The following VIL1 variants were observed in gnomAD, a reference collection of about 807,000 sequenced individuals.
VIL1 encodes the protein villin 1.
VIL1 carries 86 observed loss-of-function variants against 104.0 expected under a neutral mutation model. That is an observed-to-expected ratio of 0.83 (90% CI 0.69 to 0.99). The LOEUF is 0.99. VIL1 is among the 50% of genes least tolerant of loss of function. The probability of loss-of-function intolerance (pLI) is 0.00; values close to 1 mark genes in which losing one functional copy is unlikely to be tolerated. For missense variants in VIL1, 944 were observed against 1,054.1 expected, an observed-to-expected ratio of 0.90 and a Z score of 1.45; for synonymous variants, 394 against 412.6, an observed-to-expected ratio of 0.95 and a Z score of 0.55.
At chr2:218,447,212 AG>A (rs1689379326) in intron 19 of VIL1, among the ~76,000 whole-genome samples, 1 of 152,198 alleles carries the variant, frequency 6.6e-6, no homozygotes. Flanking sequence ...CTTCCCTTGC[AG>A]GCAGTCTGTT....
chr2:218,420,597 T>A (rs533545438), intron 1 of VIL1, among the ~76,000 whole-genome samples: 1 of 150,386 alleles, frequency 6.6e-6, no homozygotes, highest in Non-Finnish European at 1.5e-5. Flanking sequence ...TTTTTTGTTT[T>A]TTTTTTGAGA....
intron 15 of VIL1, among the ~76,000 whole-genome samples, chr2:218,435,752 G>C (rs1689178360): frequency 4.6e-5 from 7 of 152,200 alleles, no homozygotes; most frequent in Admixed American, 4.6e-4. Flanking sequence ...TCAGTAACAA[G>C]ATGCCAGAGG....
rs368546376 is a variant in VIL1 at position 218,434,571 on chromosome 2, C to T, written c.1546C>T (p.Arg516Trp). The change falls in exon 14 of 20, where the codon CGG (arginine) becomes TGG (tryptophan). Residue 516 changes from arginine to tryptophan, a missense_variant. Coordinates refer to ENST00000248444, the MANE Select transcript of VIL1 (RefSeq NM_007127.3). ...TNNLETGPSTRLFQVQGTGAN... is the reference protein window; with the variant it reads ...TNNLETGPSTWLFQVQGTGAN... ...CAACTTGGAGACCGGGCCCTCCACA[C>T]GGCTGTTCCAGGTCCAGGGAACTGG... The T allele has an allele frequency of 2.0e-5, 32 of 1,613,934 alleles. No homozygotes were observed. Among genetic ancestry groups the T allele is most frequent in the East Asian group, 4.5e-5 (2 of 44,894 alleles).
At chr2:218,433,097 A>G (rs1689127655) in intron 13 of VIL1, 146 bp downstream of exon 13, 23 of 994,274 alleles carry the variant, frequency 2.3e-5, no homozygotes, top group South Asian at 4.9e-5. Context: ...TCTATCACCT[A>G]TGTGGAACTG....
At chr2:218,446,824 G>C (rs1017924223) in intron 19 of VIL1, among the ~76,000 whole-genome samples, 5 of 147,824 alleles carry the variant, frequency 3.4e-5, no homozygotes, top group Non-Finnish European at 7.4e-5. Context: ...AGGTGCAGTG[G>C]TGCGATCTCG....
Position 218,423,869 on chromosome 2 carries a change from G to T in VIL1, c.75+16G>T. On this transcript the variant is annotated intron_variant, in intron 2 of 19. Coordinates refer to ENST00000248444, the MANE Select transcript of VIL1 (RefSeq NM_007127.3). ...GAGGATCGAGGTGAGGCCCTGTCTGGGCATGGGGGCTGCTCAGGCCTGGGG... is the reference window on the plus strand; with the variant it reads ...GAGGATCGAGGTGAGGCCCTGTCTGTGCATGGGGGCTGCTCAGGCCTGGGG... 6.2e-7 allele frequency: 1 copy of T among 1,614,048 alleles called. No individual in the cohort carries two copies.
intron 19 of VIL1, among the ~76,000 whole-genome samples, chr2:218,442,315 A>G (rs1157642055): frequency 6.6e-6 from 1 of 152,186 alleles, no homozygotes; most frequent in African/African-American, 2.4e-5. Flanking sequence ...GTTTAGATAC[A>G]TGTTCAGTGG....
At chr2:218,445,736 A>T (rs1165999338) in intron 19 of VIL1, among the ~76,000 whole-genome samples, 1 of 152,118 alleles carries the variant, frequency 6.6e-6, no homozygotes, top group African/African-American at 2.4e-5. Flanking sequence ...TGCTTAGAGG[A>T]GCAGAGATGA....
intron 15 of VIL1, 98 bp from the exon 16 acceptor site, chr2:218,436,384 C>T: frequency 6.8e-7 from 1 of 1,479,226 alleles, no homozygotes; most frequent in Non-Finnish European, 9.1e-7. Flanking sequence ...TGGAGATGAC[C>T]TTTCTATGCC....
chr2:218,438,926 A>ATTTTTTTTT (rs34676834), intron 18 of VIL1, among the ~76,000 whole-genome samples, 200 bp downstream of exon 18: 1 of 107,658 alleles, frequency 9.3e-6, no homozygotes, highest in African/African-American at 3.6e-5. Flanking sequence ...ATGGTTCTCA[A>ATTTTTTTTT]TTTTTTTTTT....
At position 218,429,396 on chromosome 2, in the gene VIL1, A is replaced by C. The variant is rs142981830; in HGVS notation, c.679A>C (p.Asn227His). The C allele has an allele frequency of 1.7e-4, 278 of 1,614,112 alleles. No individual in the cohort carries two copies. The highest frequency in any genetic ancestry group is 2.3e-4 in the Non-Finnish European group (268 of 1,180,032). ...LASPKLMEVM[N>H]HVLGKRRELK... Reference sequence around the variant, plus strand: ...ATCCCCGAAGCTGATGGAGGTGATGAACCACGTGCTGGGCAAGCGCAGGGA... The same window carrying C: ...ATCCCCGAAGCTGATGGAGGTGATGCACCACGTGCTGGGCAAGCGCAGGGA... Residue 227 changes from asparagine (N) to histidine (H), a missense_variant, in exon 7 of 20, where the codon AAC becomes CAC. Transcript: ENST00000248444.
intron 4 of VIL1, among the ~76,000 whole-genome samples, chr2:218,426,826 T>A (rs1302417213): frequency 6.6e-6 from 1 of 151,478 alleles, no homozygotes; most frequent in African/African-American, 2.4e-5. Context: ...ATGGTCTCAA[T>A]CTCCTGACCT....
At chr2:218,428,631 G>A (rs1160022737) in intron 6 of VIL1, among the ~76,000 whole-genome samples, 2 of 152,218 alleles carry the variant, frequency 1.3e-5, no homozygotes, top group African/African-American at 2.4e-5. Flanking sequence ...GTACATTGAC[G>A]CTGTGTGTGC....
At chr2:218,429,176 C>T (rs911519615) in intron 6 of VIL1, 109 bp from the exon 7 acceptor site, 3 of 1,292,732 alleles carry the variant, frequency 2.3e-6, no homozygotes, top group Non-Finnish European at 3.2e-6. Context: ...GGGGTCTCAA[C>T]CCCTGTGGCT....
intron 1 of VIL1, among the ~76,000 whole-genome samples, chr2:218,420,428 C>CAAAAAAAAAAAAAAAAAAAAA (rs71064447): frequency 7.5e-5 from 6 of 80,144 alleles, no homozygotes; most frequent in Admixed American, 3.1e-4. Context: ...GACTCTGTCT[C>CAAAAAAAAAAAAAAAAAAAAA]AAAAAAAAAA....
intron 18 of VIL1, among the ~76,000 whole-genome samples, chr2:218,438,971 C>T (rs1689239810): frequency 7.1e-6 from 1 of 141,526 alleles, no homozygotes; most frequent in African/African-American, 2.6e-5. Context: ...CACTCTGCCT[C>T]CCAGGCTGGA....
chr2:218,425,890 A>T (rs1387443491), intron 4 of VIL1, 79 bp downstream of exon 4: 1 of 1,452,582 alleles, frequency 6.9e-7, no homozygotes. Context: ...CTGAAGAGGC[A>T]GGGACACCCA....
chr2:218,427,172 A>G (rs753600707), intron 4 of VIL1, among the ~76,000 whole-genome samples: 3 of 152,198 alleles, frequency 2.0e-5, no homozygotes, highest in Non-Finnish European at 4.4e-5. Flanking sequence ...AATTAGCCAC[A>G]GTTCCCACTC....
chr2:218,422,268 A>G (rs778471420), intron 1 of VIL1, among the ~76,000 whole-genome samples: 29 of 152,270 alleles, frequency 1.9e-4, no homozygotes, highest in Non-Finnish European at 3.4e-4. Context: ...AAATAAATAA[A>G]TAAATAAATA....
Sources: allele counts gnomAD v4.1 joint callset (sites outside exome capture counted in the v4.1 genomes callset), GRCh38; gene constraint gnomAD v4.1.1; transcripts MANE v1.5; gene names NCBI Gene and HGNC (gene_info 2026-07-23, HGNC 2026-07-21).